GRIA1: variants seen among roughly 807,000 people sequenced by gnomAD.
GRIA1 encodes glutamate receptor 1.
GRIA1 carries 31 observed loss-of-function variants against 99.2 expected under a neutral mutation model. The observed-to-expected ratio is 0.31, with a 90% CI of 0.23 to 0.42. The LOEUF is 0.42. Among genes scored for constraint, GRIA1 ranks in the 10% least tolerant of loss-of-function variants. The pLI, the probability that GRIA1 is intolerant of heterozygous loss-of-function variation, is 1.00. For synonymous variants in GRIA1, 438 were observed against 432.4 expected (o/e 1.01, Z -0.16); for missense variants, 782 against 1,157.5 (o/e 0.68, Z 4.71).
rs777658712 is a variant in GRIA1 at position 153,768,934 on chromosome 5, G to A, written c.2023-1234G>A. On this transcript the variant is annotated intron_variant, in intron 12 of 15. Coordinates refer to ENST00000285900, the MANE Select transcript of GRIA1 (RefSeq NM_000827.4). ...ATCTACCCTTTGGGAAAAGGTCACCGTTTAGAAACAGTATGCTAGATGAGA... is the reference window on the plus strand; with the variant it reads ...ATCTACCCTTTGGGAAAAGGTCACCATTTAGAAACAGTATGCTAGATGAGA... Among the ~76,000 whole-genome samples the A allele has an allele frequency of 1.3e-4, 20 of 152,260 alleles. No individual in the cohort carries two copies. In the East Asian group the frequency reaches 3.7e-3, roughly 28 times the overall value.
chr5:153,729,290 C>G (rs868153514), intron 11 of GRIA1, among the ~76,000 whole-genome samples: 4 of 151,764 alleles, frequency 2.6e-5, no homozygotes, highest in African/African-American at 9.7e-5. Context: ...TGCTAAATGA[C>G]GAGTTAATGG....
chr5:153,808,384 G>A (rs560268940), intron 15 of GRIA1, among the ~76,000 whole-genome samples: 25 of 152,082 alleles, frequency 1.6e-4, no homozygotes, highest in East Asian at 7.7e-4. Context: ...TAGCCACGAC[G>A]GGGGGCGGGG....
chr5:153,515,481 G>A (rs1375159626), intron 2 of GRIA1, among the ~76,000 whole-genome samples: 2 of 152,128 alleles, frequency 1.3e-5, no homozygotes, highest in African/African-American at 4.8e-5. Flanking sequence ...GGGACTTGGG[G>A]CATATGTTGG....
intron 2 of GRIA1, among the ~76,000 whole-genome samples, chr5:153,541,348 G>A (rs1759073371): frequency 6.6e-6 from 1 of 152,102 alleles, no homozygotes; most frequent in Non-Finnish European, 1.5e-5. Context: ...AGTTCCTTGT[G>A]GGAAGAGGAA....
rs145412112 is a variant in GRIA1, at chr5:153,681,603, C to T, written c.1029+4442C>T. On this transcript the variant is annotated intron_variant, in intron 7 of 15. Coordinates refer to ENST00000285900, the MANE Select transcript of GRIA1 (RefSeq NM_000827.4). ...GAGCTGGGTTCCAACCGTGGCTCCA[C>T]GCAGAACTATCTGGGGGATCTTGGA... 2.7e-3 allele frequency among the ~76,000 whole-genome samples: 410 copies of T among 152,274 alleles called. 1 individual carries two copies. Among genetic ancestry groups the T allele is most frequent in the African/African-American group, 9.0e-3 (372 of 41,554 alleles).
At chr5:153,724,509 G>C (rs558649734) in intron 11 of GRIA1, among the ~76,000 whole-genome samples, 24 of 152,302 alleles carry the variant, frequency 1.6e-4, no homozygotes, top group African/African-American at 5.3e-4. Context: ...AAAAAATTTA[G>C]ATGAATGTAT....
At position 153,811,056 on chromosome 5, in the gene GRIA1, A is replaced by G; in HGVS notation, c.2552A>G (p.Asn851Ser). Reference sequence around the variant, plus strand: ...TGTTTGATCCCACAGCAATCCATCAACGAAGCCATACGGACATCGACCCTC... The same window carrying G: ...TGTTTGATCCCACAGCAATCCATCAGCGAAGCCATACGGACATCGACCCTC... ...GFCLIPQQSI[N>S]EAIRTSTLPR... Residue 851 changes from asparagine (N) to serine (S), a missense_variant, in exon 16 of 16, where the codon AAC (asparagine) becomes AGC (serine). Physicochemically the swap from Asn to Ser is conservative, Grantham distance 46. Coordinates refer to ENST00000285900, the MANE Select transcript of GRIA1 (RefSeq NM_000827.4). 6.2e-7 allele frequency: 1 copy of G among 1,614,118 alleles called. No individual in the cohort carries two copies. Among genetic ancestry groups the G allele is most frequent in the Non-Finnish European group, 8.5e-7 (1 of 1,179,978 alleles).
At chr5:153,536,065 T>C (rs932919392) in intron 2 of GRIA1, among the ~76,000 whole-genome samples, 1 of 152,150 alleles carries the variant, frequency 6.6e-6, no homozygotes, top group African/African-American at 2.4e-5. Flanking sequence ...AAATCCAGCC[T>C]CCGTAGTGTG....
At chr5:153,584,193 G>A (rs867703453) in intron 2 of GRIA1, among the ~76,000 whole-genome samples, 9 of 152,140 alleles carry the variant, frequency 5.9e-5, no homozygotes, top group Admixed American at 1.3e-4. Flanking sequence ...TTACTGTGGC[G>A]GATGGCTGGT....
intron 2 of GRIA1, among the ~76,000 whole-genome samples, chr5:153,562,060 G>A (rs958698236): frequency 3.3e-5 from 5 of 152,140 alleles, no homozygotes; most frequent in Admixed American, 1.3e-4. Context: ...AGATGCATTG[G>A]GGGGTAAGAC....
chr5:153,737,735 C>T (rs942410290), intron 11 of GRIA1, among the ~76,000 whole-genome samples: 1 of 152,138 alleles, frequency 6.6e-6, no homozygotes, highest in African/African-American at 2.4e-5. Context: ...ATTCTTACAA[C>T]AACTATGAGG....
chr5:153,620,222 A>C (rs1766902659), intron 2 of GRIA1, among the ~76,000 whole-genome samples: 1 of 152,146 alleles, frequency 6.6e-6, no homozygotes, highest in Non-Finnish European at 1.5e-5. Flanking sequence ...CGAAATGAGC[A>C]CTGGAAAACA....
intron 2 of GRIA1, among the ~76,000 whole-genome samples, chr5:153,602,378 T>C (rs1164605183): frequency 7.2e-6 from 1 of 139,396 alleles, no homozygotes; most frequent in Non-Finnish European, 1.5e-5. Context: ...TGGGGCCTGT[T>C]GTGGGGTGGG....
At chr5:153,689,260 G>A (rs915705942) in intron 8 of GRIA1, among the ~76,000 whole-genome samples, 2 of 152,200 alleles carry the variant, frequency 1.3e-5, no homozygotes, top group South Asian at 4.2e-4. Context: ...CATAGATGCA[G>A]CATTTTTGTG....
At chr5:153,610,404 A>G (rs549239974) in intron 2 of GRIA1, among the ~76,000 whole-genome samples, 1 of 152,360 alleles carries the variant, frequency 6.6e-6, no homozygotes, top group South Asian at 2.1e-4. Flanking sequence ...GTTGAAAGTT[A>G]CTGGAATGGA....
At chr5:153,629,420 T>A (rs1752772604) in intron 2 of GRIA1, among the ~76,000 whole-genome samples, 1 of 152,156 alleles carries the variant, frequency 6.6e-6, no homozygotes, top group Admixed American at 6.5e-5. Context: ...AGAAGGCAGG[T>A]GGGAAACGTC....
chr5:153,749,739 A>G lies in GRIA1; in HGVS notation c.1824-14695A>G, dbSNP rs578061177. Among the ~76,000 whole-genome samples, 337 of 152,250 alleles carry G rather than the reference A, an allele frequency of 2.2e-3. 2 individuals carry two copies. Among genetic ancestry groups the G allele is most frequent in the African/African-American group, 7.9e-3 (328 of 41,550 alleles). On this transcript the variant is annotated intron_variant, in intron 11 of 15. Transcript: ENST00000285900. ...TTGGAGGGACAAACATCCAAACTAT[A>G]TCAGAGAGTGAACCAAAGAATGAAT... is the stretch of plus-strand genomic sequence containing the variant.
At chr5:153,679,663 A>G (rs1756836685) in intron 7 of GRIA1, among the ~76,000 whole-genome samples, 3 of 152,218 alleles carry the variant, frequency 2.0e-5, no homozygotes, top group Non-Finnish European at 4.4e-5. Context: ...ATCTCTTGAA[A>G]TAGCCATGCC....
At chr5:153,570,582 CTG>C (rs1410167105) in intron 2 of GRIA1, among the ~76,000 whole-genome samples, 1 of 152,124 alleles carries the variant, frequency 6.6e-6, no homozygotes, top group Non-Finnish European at 1.5e-5. Context: ...AATGAAGAGT[CTG>C]AGTATTCTAG....
Sources: allele counts gnomAD v4.1 joint callset (sites outside exome capture counted in the v4.1 genomes callset), GRCh38; gene constraint gnomAD v4.1.1; transcripts MANE v1.5; gene names NCBI Gene and HGNC (gene_info 2026-07-23, HGNC 2026-07-21).